KIAA2012: variants seen among roughly 807,000 people sequenced by gnomAD.
KIAA2012 encodes uncharacterized protein KIAA2012.
Under a neutral mutation model 150.6 loss-of-function variants are expected in KIAA2012, and 125 were observed. The ratio of observed to expected loss-of-function variants is 0.83; its 90% CI spans 0.72 to 0.96. KIAA2012 has a LOEUF of 0.96. Ranked by LOEUF, KIAA2012 falls within the 40% of genes least tolerant of loss-of-function variation. KIAA2012 has a pLI of 0.00. For synonymous variants in KIAA2012, 462 were observed against 504.7 expected, an observed-to-expected ratio of 0.92 and a Z score of 1.13; for missense variants, 1,219 against 1,354.9, an observed-to-expected ratio of 0.90 and a Z score of 1.57.
At chr2:202,086,918 C>T (rs562597193) in intron 2 of KIAA2012, among the ~76,000 whole-genome samples, 1 of 152,102 alleles carries the variant, frequency 6.6e-6, no homozygotes, top group South Asian at 2.1e-4. Flanking sequence ...CCCTCCAATC[C>T]GTAGCAGCTT....
At chr2:202,099,591 A>T in intron 5 of KIAA2012, 22 bp from the exon 6 acceptor site, 2 of 1,535,422 alleles carry the variant, frequency 1.3e-6, no homozygotes, top group Non-Finnish European at 1.8e-6. Flanking sequence ...GTTTACAGGA[A>T]TGTGTATCTG....
In KIAA2012 at chr2:202,133,131, T is replaced by TATA. The variant is rs1491511228; in HGVS notation, c.1832-5301_1832-5300insATA. On this transcript the variant is annotated intron_variant, in intron 12 of 23. Transcript: ENST00000498697. ...AAAAATATATATATATATATATATA[T>TATA]TTTTTTTTTTTCTGGAGAATGGAGA... Among the ~76,000 whole-genome samples the TATA allele has an allele frequency of 4.4e-3, 364 of 83,638 alleles. 8 individuals carry two copies. Among genetic ancestry groups the TATA allele is most frequent in the African/African-American group, 9.9e-3 (241 of 24,386 alleles). The allele number at this position is 83,638 out of a possible 152,430, so 54.9% of individuals were successfully genotyped here.
chr2:202,139,739 C>T (rs1691160703), intron 13 of KIAA2012, among the ~76,000 whole-genome samples: 1 of 152,198 alleles, frequency 6.6e-6, no homozygotes, highest in African/African-American at 2.4e-5. Flanking sequence ...TTTAAATGCC[C>T]ACTTTGCAGA....
intron 18 of KIAA2012, among the ~76,000 whole-genome samples, chr2:202,189,323 G>T (rs984715658): frequency 2.7e-5 from 4 of 148,988 alleles, no homozygotes; most frequent in African/African-American, 9.9e-5. Flanking sequence ...ATGGAGTCTC[G>T]CTCTGTCACC....
chr2:202,202,023 A>T, intron 22 of KIAA2012: 1 of 576,928 alleles, frequency 1.7e-6, no homozygotes, highest in Non-Finnish European at 3.1e-6. Flanking sequence ...CTGCCGCCGC[A>T]GTTTTTGTAT....
chr2:202,201,530 C>A, intron 22 of KIAA2012: 2 of 1,609,012 alleles, frequency 1.2e-6, no homozygotes, highest in South Asian at 1.1e-5. Context: ...CAGCAGTAGC[C>A]CCAGCTCCAA....
chr2:202,081,992 CT>C (rs1422815335), intron 2 of KIAA2012, among the ~76,000 whole-genome samples: 1 of 152,100 alleles, frequency 6.6e-6, no homozygotes, highest in Non-Finnish European at 1.5e-5. Context: ...AAAAAAATTT[CT>C]TTTATTTTAT....
intron 12 of KIAA2012, among the ~76,000 whole-genome samples, chr2:202,129,928 T>C (rs1690893491): frequency 6.6e-6 from 1 of 152,220 alleles, no homozygotes; most frequent in Admixed American, 6.5e-5. Context: ...ACTGAGCTAG[T>C]GAGTGAGCCT....
chr2:202,163,167 G>A (rs901409177), intron 14 of KIAA2012, among the ~76,000 whole-genome samples: 3 of 145,076 alleles, frequency 2.1e-5, no homozygotes, highest in East Asian at 2.1e-4. Context: ...GCGGTGGTGC[G>A]ATCTCAGCTA....
At chr2:202,179,779 G>T (rs550618917) in intron 15 of KIAA2012, 1 of 630,270 alleles carries the variant, frequency 1.6e-6, no homozygotes, top group Non-Finnish European at 3.1e-6. Flanking sequence ...AGCCACAGCA[G>T]TGGGAAAGAA....
At chr2:202,143,293 C>T (rs1691232025) in intron 13 of KIAA2012, among the ~76,000 whole-genome samples, 1 of 151,694 alleles carries the variant, frequency 6.6e-6, no homozygotes, top group African/African-American at 2.4e-5. Flanking sequence ...ACTGTGTTGC[C>T]CAGCCTGGTC....
intron 13 of KIAA2012, among the ~76,000 whole-genome samples, chr2:202,145,678 C>CTTTTTTTT (rs36059685): frequency 1.9e-4 from 14 of 75,340 alleles, no homozygotes; most frequent in South Asian, 6.0e-4. Flanking sequence ...TTGAGAGGGT[C>CTTTTTTTT]TTTTTTTTTT....
chr2:202,096,611 A>G (rs973296685), intron 4 of KIAA2012, among the ~76,000 whole-genome samples: 14 of 152,282 alleles, frequency 9.2e-5, no homozygotes, highest in Admixed American at 3.9e-4. Context: ...CAGGAGGAGA[A>G]GCAGCTCGCA....
intron 23 of KIAA2012, among the ~76,000 whole-genome samples, chr2:202,203,836 C>T (rs1172178123): frequency 1.3e-5 from 2 of 150,612 alleles, no homozygotes; most frequent in African/African-American, 4.9e-5. Flanking sequence ...GTGGCACGAT[C>T]TCGGCTCACT....
chr2:202,153,579 G>A (rs1433448811), intron 13 of KIAA2012, among the ~76,000 whole-genome samples: 1 of 152,154 alleles, frequency 6.6e-6, no homozygotes, highest in Non-Finnish European at 1.5e-5. Flanking sequence ...TTGACTCTCT[G>A]CTTAAAATTG....
At chr2:202,140,964 G>A (rs1691186028) in intron 13 of KIAA2012, among the ~76,000 whole-genome samples, 1 of 152,114 alleles carries the variant, frequency 6.6e-6, no homozygotes, top group East Asian at 1.9e-4. Context: ...CTAGCTGAGC[G>A]AGGGGAAGAC....
At chr2:202,132,729 G>GTATATATT (rs1690970281) in intron 12 of KIAA2012, among the ~76,000 whole-genome samples, 1 of 52,972 alleles carries the variant, frequency 1.9e-5, no homozygotes, top group Non-Finnish European at 3.6e-5. Context: ...TATATATATA[G>GTATATATT]TATATATGTA....
At chr2:202,183,439 C>T (rs1314282226) in intron 15 of KIAA2012, among the ~76,000 whole-genome samples, 2 of 123,706 alleles carry the variant, frequency 1.6e-5, no homozygotes, top group African/African-American at 3.1e-5. Flanking sequence ...AAAAAGTTAA[C>T]ATTTGTTTTT....
At chr2:202,168,159 A>G (rs1011662578) in intron 15 of KIAA2012, among the ~76,000 whole-genome samples, 17 of 151,994 alleles carry the variant, frequency 1.1e-4, no homozygotes, top group Non-Finnish European at 1.6e-4. Context: ...GGTGGCTTAC[A>G]CCTGTAATCC....
Sources: gnomAD v4.1 joint callset for allele counts (sites outside exome capture counted in the v4.1 genomes callset) on GRCh38, gnomAD v4.1.1 for gene constraint, MANE v1.5 for transcripts, NCBI Gene and HGNC (gene_info 2026-07-23, HGNC 2026-07-21) for gene names.